ZFHX4: variants seen among roughly 807,000 people sequenced by gnomAD.
ZFHX4 encodes the protein zinc finger homeobox 4, also known as zinc finger homeobox protein 4.
A neutral mutation model predicts 267.6 loss-of-function variants in ZFHX4; 56 were observed. The observed-to-expected ratio is 0.21, with a 90% confidence interval of 0.17 to 0.26. The LOEUF (loss-of-function observed/expected upper bound fraction) is 0.26. ZFHX4 is among the 10% of genes least tolerant of loss of function. ZFHX4 has a pLI of 1.00. For synonymous variants in ZFHX4, 1,778 were observed against 1,665.6 expected (o/e 1.07, Z -1.64); for missense variants, 4,332 against 4,420.0 (o/e 0.98, Z 0.56).
intron 4 of ZFHX4, among the ~76,000 whole-genome samples, chr8:76,780,897 T>C (rs1465931330): frequency 6.6e-6 from 1 of 152,138 alleles, no homozygotes; most frequent in African/African-American, 2.4e-5. Context: ...GATTTTGTTT[T>C]ACAATAATAA....
Position 76,778,148 on chromosome 8 carries a change from T to G in ZFHX4, c.3094-60T>G, listed in dbSNP as rs1005767530. 3 of 1,133,536 alleles carry G rather than the reference T, an allele frequency of 2.6e-6. No individual in the cohort carries two copies. The African/African-American group carries it at 4.5e-5, about 17-fold the overall frequency. 70.2% of individuals were successfully genotyped at this position (1,133,536 alleles called of 1,614,324 possible). A position where few individuals can be genotyped will look rare whatever the true frequency, so the allele number is the denominator to read the frequency against. ...TATCATGCCATGGGTGGGTGTCACC[T>G]GTTTTGTTATCCACCATGGAGCTAG... On this transcript the variant is annotated intron_variant, in intron 3 of 10. Coordinates refer to ENST00000651372, the MANE Select transcript of ZFHX4 (RefSeq NM_024721.5).
At chr8:76,805,600 T>G (rs2131834757) in intron 4 of ZFHX4, among the ~76,000 whole-genome samples, 1 of 152,148 alleles carries the variant, frequency 6.6e-6, no homozygotes, top group South Asian at 2.1e-4. Context: ...CTTTTTTTTT[T>G]TTTTGTAGTC....
At position 76,867,279 on chromosome 8, in the gene ZFHX4, A is replaced by G. The variant is rs1416743267; in HGVS notation, c.*2714A>G. The stretch of plus-strand genomic sequence containing the variant: ...GTGATACATTAAAAACTGTATCTAC[A>G]TATTTACTATGTGTTTTCTTTCTGA... On this transcript the variant is annotated 3_prime_UTR_variant, in exon 11 of 11. Transcript: ENST00000651372. The G allele has an allele frequency of 1.3e-5, 2 of 152,580 alleles. No individual in the cohort carries two copies. The highest frequency in any genetic ancestry group is 4.8e-5 in the African/African-American group (2 of 41,448). The allele number at this position is 152,580 out of a possible 1,614,324, so 9.5% of individuals were successfully genotyped here.
In ZFHX4 at chr8:76,842,660, C is replaced by A. The variant is rs763735883; in HGVS notation, c.3400C>A (p.Gln1134Lys). 2.2e-5 allele frequency: 34 copies of A among 1,549,014 alleles called. No individual in the cohort carries two copies. In the Admixed American group the frequency reaches 6.5e-4, roughly 30 times the overall value. The change falls in exon 6 of 11, where the codon CAA becomes AAA. Residue 1134 changes from glutamine to lysine, a missense_variant. Physicochemically the swap from Gln to Lys is moderately conservative, Grantham distance 53. This residue lies in a region of ZFHX4 where 1,371 missense variants were observed against 1,423.1 expected (regional missense o/e 0.96). Transcript: ENST00000651372. ...TGGTCTGCCTTTCTTAACAGAAGAA[C>A]AAAGTGAGGAGGCAGAAGGAGCTAT... ...EQQLRSTSEE[Q>K]SEEAEGAIKP... is the part of the protein sequence containing the mutation.
chr8:76,824,422 GT>G (rs2131872395), intron 4 of ZFHX4, among the ~76,000 whole-genome samples: 1 of 152,174 alleles, frequency 6.6e-6, no homozygotes, highest in African/African-American at 2.4e-5. Flanking sequence ...TTCTCATCAA[GT>G]TTTTCTCTTA....
chr8:76,751,039 A>G (rs1003439186), intron 3 of ZFHX4, among the ~76,000 whole-genome samples: 1 of 152,264 alleles, frequency 6.6e-6, no homozygotes, highest in Middle Eastern at 3.4e-3. Context: ...GTCTCCCCAT[A>G]TCACCCAGTG....
At chr8:76,693,288 A>T (rs1234998006) in intron 1 of ZFHX4, 1 of 152,238 alleles carries the variant, frequency 6.6e-6, no homozygotes, top group East Asian at 1.9e-4. Context: ...ACTGAAAAAA[A>T]AATCACCTTA....
At chr8:76,825,962 C>T (rs935419495) in intron 4 of ZFHX4, among the ~76,000 whole-genome samples, 1 of 152,060 alleles carries the variant, frequency 6.6e-6, no homozygotes, top group African/African-American at 2.4e-5. Context: ...AGTAAAGGTA[C>T]CTTTGTATGT....
intron 4 of ZFHX4, among the ~76,000 whole-genome samples, chr8:76,815,343 T>C (rs988424112): frequency 3.3e-5 from 5 of 152,018 alleles, no homozygotes; most frequent in African/African-American, 1.2e-4. Context: ...AAACAACAGG[T>C]GTTTGTTTCT....
intron 10 of ZFHX4, among the ~76,000 whole-genome samples, chr8:76,857,134 A>G (rs1812750812): frequency 6.6e-6 from 1 of 152,144 alleles, no homozygotes; most frequent in African/African-American, 2.4e-5. Flanking sequence ...GATTTTGTGA[A>G]TAAGTATAGG....
chr8:76,804,152 G>A (rs1276383972), intron 4 of ZFHX4, among the ~76,000 whole-genome samples: 1 of 152,026 alleles, frequency 6.6e-6, no homozygotes, highest in Non-Finnish European at 1.5e-5. Context: ...CTGTAGCTGT[G>A]TAAAGTCATG....
Position 76,853,046 on chromosome 8 carries a change from C to T in ZFHX4, c.6125C>T (p.Pro2042Leu), listed in dbSNP as rs1235441491. 23 of 1,189,378 alleles carry T rather than the reference C, an allele frequency of 1.9e-5. No homozygotes were observed. Among genetic ancestry groups the T allele is most frequent in the Non-Finnish European group, 2.4e-5 (20 of 829,416 alleles). 73.7% of individuals were successfully genotyped at this position (1,189,378 alleles called of 1,614,324 possible). A position where few individuals can be genotyped will look rare whatever the true frequency, so the allele number is the denominator to read the frequency against. Residue 2042 changes from proline (P) to leucine (L), a missense_variant, in exon 10 of 11, where the codon CCT becomes CTT. Pro to Leu is a moderately conservative substitution (Grantham distance 98, BLOSUM62 -3). Coordinates refer to ENST00000651372, the MANE Select transcript of ZFHX4 (RefSeq NM_024721.5). ...CCTCTGCAAGCTCCACCACCCACTC[C>T]TCCCCCACCACCACCACCTCCTCCT... Reference protein sequence around the residue: ...STPLQAPPPTPPPPPPPPPPP... With the variant: ...STPLQAPPPTLPPPPPPPPPP...
chr8:76,827,094 T>C (rs1369479603), intron 4 of ZFHX4, among the ~76,000 whole-genome samples: 2 of 152,248 alleles, frequency 1.3e-5, no homozygotes, highest in African/African-American at 4.8e-5. Context: ...GGCAGTGGTC[T>C]CCAACCTTTT....
intron 3 of ZFHX4, among the ~76,000 whole-genome samples, chr8:76,726,466 G>C (rs1296908423): frequency 1.3e-5 from 2 of 152,182 alleles, no homozygotes; most frequent in African/African-American, 4.8e-5. Flanking sequence ...GGAAATGAAA[G>C]TGTAAATTAT....
chr8:76,696,414 T>C (rs1249521271), intron 1 of ZFHX4, among the ~76,000 whole-genome samples: 1 of 152,090 alleles, frequency 6.6e-6, no homozygotes, highest in African/African-American at 2.4e-5. Flanking sequence ...CAGCAGATCA[T>C]GTAAAATTCA....
intron 4 of ZFHX4, among the ~76,000 whole-genome samples, chr8:76,794,629 T>C (rs1339155545): frequency 2.0e-5 from 3 of 152,182 alleles, no homozygotes; most frequent in African/African-American, 7.2e-5. Context: ...TACAGGAGAC[T>C]GTAATAGTTT....
In ZFHX4 at chr8:76,863,968, A is replaced by C. The variant is rs763729805; in HGVS notation, c.10254A>C (p.Ala3418=). 1.9e-5 allele frequency: 30 copies of C among 1,612,616 alleles called. No individual in the cohort carries two copies. The highest frequency in any genetic ancestry group is 2.3e-5 in the Non-Finnish European group (27 of 1,179,316). The change falls in exon 11 of 11, where the codon GCA becomes GCC. Residue 3418 remains alanine, a synonymous_variant. Coordinates refer to ENST00000651372, the MANE Select transcript of ZFHX4 (RefSeq NM_024721.5). ...CQMMFTDEDA[A]VNHQKSFCYF... is the part of the protein sequence containing the mutation. The stretch of plus-strand genomic sequence containing the variant: ...TGATGTTTACTGATGAAGACGCCGC[A>C]GTAAATCATCAAAAGTCCTTCTGTT...
chr8:76,805,052 G>C (rs1312887462), intron 4 of ZFHX4, among the ~76,000 whole-genome samples: 2 of 152,092 alleles, frequency 1.3e-5, no homozygotes, highest in Non-Finnish European at 2.9e-5. Flanking sequence ...ATATTAAAAA[G>C]AGAAGATTAA....
intron 4 of ZFHX4, among the ~76,000 whole-genome samples, chr8:76,785,957 C>T (rs757848044): frequency 6.6e-6 from 1 of 152,070 alleles, no homozygotes; most frequent in Non-Finnish European, 1.5e-5. Flanking sequence ...AATATAATAA[C>T]AAAAGGAAAT....
Sources: gnomAD v4.1 joint callset for allele counts (sites outside exome capture counted in the v4.1 genomes callset) on GRCh38, gnomAD v4.1.1 for gene constraint, gnomAD v4.1.1 regional missense constraint, MANE v1.5 for transcripts, NCBI Gene and HGNC (gene_info 2026-07-23, HGNC 2026-07-21) for gene names.